The following PTPRN2 variants were observed in gnomAD, a reference collection of about 807,000 sequenced individuals.
The protein encoded by PTPRN2 is receptor-type tyrosine-protein phosphatase N2.
A neutral mutation model predicts 118.8 loss-of-function variants in PTPRN2; 74 were observed. The observed-to-expected ratio is 0.62, with a 90% confidence interval of 0.52 to 0.76. PTPRN2 has a LOEUF of 0.76. Among genes scored for constraint, PTPRN2 ranks in the 30% least tolerant of loss-of-function variants. PTPRN2 has a pLI of 0.00. For synonymous variants in PTPRN2, 641 were observed against 608.0 expected (o/e 1.05, Z -0.80); for missense variants, 1,481 against 1,394.4 (o/e 1.06, Z -0.99).
rs911021385 is a variant in PTPRN2, at chr7:157,868,894, G to C, written c.1788+29779C>G. 2 of 152,180 alleles carry C rather than the reference G, an allele frequency of 1.3e-5. No homozygotes were observed. Among genetic ancestry groups the C allele is most frequent in the Admixed American group, 1.3e-4 (2 of 15,274 alleles). The allele number at this position is 152,180 out of a possible 1,614,324, so 9.4% of individuals were successfully genotyped here. On this transcript the variant is annotated intron_variant, in intron 12 of 22. Coordinates refer to ENST00000389418, the MANE Select transcript of PTPRN2 (RefSeq NM_002847.5). This position sits in a 1 kb window ranked among gnomAD's most constrained non-coding sequence, Gnocchi z 5.2. ...CACACAACCCATTTAGCATTGCCTAGCACCAGTGGTGAGGCCAGGCCTCCC... is the reference window on the plus strand; with the variant it reads ...CACACAACCCATTTAGCATTGCCTACCACCAGTGGTGAGGCCAGGCCTCCC...
chr7:157,772,443 C>T (rs145700913), intron 12 of PTPRN2, among the ~76,000 whole-genome samples: 1 of 152,164 alleles, frequency 6.6e-6, no homozygotes, highest in South Asian at 2.1e-4. Flanking sequence ...AGCCCTGGCC[C>T]GCAGACCATG....
At chr7:158,184,947 C>T (rs992442041) in intron 5 of PTPRN2, among the ~76,000 whole-genome samples, 2 of 152,124 alleles carry the variant, frequency 1.3e-5, no homozygotes, top group South Asian at 2.1e-4. Flanking sequence ...TGTAGGTTTC[C>T]GTCATGGATG....
chr7:158,416,200 G>T (rs1366073882), intron 2 of PTPRN2, among the ~76,000 whole-genome samples: 1 of 152,210 alleles, frequency 6.6e-6, no homozygotes, highest in East Asian at 1.9e-4. Context: ...TCCACTTTGG[G>T]GCCCAGGAAT....
intron 2 of PTPRN2, among the ~76,000 whole-genome samples, chr7:158,414,539 T>C (rs1442691085): frequency 1.3e-5 from 2 of 152,240 alleles, no homozygotes; most frequent in Admixed American, 1.3e-4. Flanking sequence ...GGCTCAGCTG[T>C]AAGTCATACA....
At chr7:157,565,495 C>T (rs1286369601) in intron 21 of PTPRN2, among the ~76,000 whole-genome samples, 2 of 152,236 alleles carry the variant, frequency 1.3e-5, no homozygotes, top group African/African-American at 4.8e-5. Flanking sequence ...GCCACACAGG[C>T]ACCCTCTTCC....
chr7:157,821,839 T>C (rs892973351), intron 12 of PTPRN2, among the ~76,000 whole-genome samples: 1 of 152,110 alleles, frequency 6.6e-6, no homozygotes, highest in South Asian at 2.1e-4. Flanking sequence ...GTGGTGAAGA[T>C]AATTGTGAGA....
intron 3 of PTPRN2, among the ~76,000 whole-genome samples, chr7:158,258,218 C>T (rs925773468): frequency 4.6e-5 from 7 of 152,160 alleles, no homozygotes; most frequent in African/African-American, 1.4e-4. Context: ...ACATTTCCTC[C>T]GCTCTGTCTG....
chr7:158,137,739 T>G (rs919712527), intron 7 of PTPRN2, among the ~76,000 whole-genome samples: 1 of 152,188 alleles, frequency 6.6e-6, no homozygotes, highest in Admixed American at 6.5e-5. Context: ...CACGTACTTG[T>G]GGGGCTGCCA....
At chr7:158,320,129 TCACACACACAGCCTCCCTTG>T (rs1802868512) in intron 2 of PTPRN2, among the ~76,000 whole-genome samples, 2 of 46,518 alleles carry the variant, frequency 4.3e-5, no homozygotes, top group African/African-American at 9.1e-5. Flanking sequence ...ACAGCCTCCC[TCACACACACAGCCTCCCTTG>T]TACACACACA....
chr7:158,205,060 A>T, intron 4 of PTPRN2, 111 bp downstream of exon 4: 1 of 938,370 alleles, frequency 1.1e-6, no homozygotes, highest in South Asian at 1.6e-5. Flanking sequence ...CTGCACCAGA[A>T]AGATGGTGGG....
intron 2 of PTPRN2, among the ~76,000 whole-genome samples, chr7:158,382,446 G>A (rs895327246): frequency 3.3e-5 from 5 of 152,142 alleles, no homozygotes; most frequent in African/African-American, 4.8e-5. Context: ...TCAGAAAGTC[G>A]CCATGAAGGA....
At chr7:158,055,312 G>A (rs541483117) in intron 11 of PTPRN2, among the ~76,000 whole-genome samples, 3 of 152,150 alleles carry the variant, frequency 2.0e-5, no homozygotes, top group East Asian at 1.9e-4. Flanking sequence ...TTGGTCTAGC[G>A]GTAACGCCAG....
intron 2 of PTPRN2, among the ~76,000 whole-genome samples, chr7:158,418,833 TAA>T (rs1444503565): frequency 6.6e-6 from 1 of 152,308 alleles, no homozygotes; most frequent in Middle Eastern, 3.4e-3. Context: ...CCCACTGTGT[TAA>T]GTCATGTTGT....
chr7:157,546,312 G>A (rs1364546291), intron 22 of PTPRN2, among the ~76,000 whole-genome samples: 1 of 152,178 alleles, frequency 6.6e-6, no homozygotes, highest in African/African-American at 2.4e-5. Context: ...TACATGTGCA[G>A]GACGGGCAGC....
intron 12 of PTPRN2, chr7:157,740,260 G>A (rs749947357): frequency 6.6e-6 from 1 of 152,206 alleles, no homozygotes; most frequent in South Asian, 2.1e-4. Flanking sequence ...GGTGGATCAG[G>A]TTCCTGTAGG....
Position 158,272,949 on chromosome 7 carries a change from G to A in PTPRN2, c.277+43870C>T, listed in dbSNP as rs775516792. ...ATGCAGACTCTGCTGACAGTCCCAC[G>A]GTTTGGGACTCTCGTTTCACTCATT... On this transcript the variant is annotated intron_variant, in intron 3 of 22. Coordinates refer to ENST00000389418, the MANE Select transcript of PTPRN2 (RefSeq NM_002847.5). Among the ~76,000 whole-genome samples, 9 of 152,294 alleles carry A rather than the reference G, an allele frequency of 5.9e-5. No homozygotes were observed. In the East Asian group the frequency reaches 1.2e-3, roughly 20 times the overall value.
At chr7:158,199,386 G>A (rs1826456961) in intron 4 of PTPRN2, among the ~76,000 whole-genome samples, 1 of 152,178 alleles carries the variant, frequency 6.6e-6, no homozygotes, top group African/African-American at 2.4e-5. Flanking sequence ...CTCTCATGGG[G>A]CTTACTCTGC....
At chr7:157,910,780 GTGT>G (rs1798062457) in intron 11 of PTPRN2, among the ~76,000 whole-genome samples, 1 of 152,254 alleles carries the variant, frequency 6.6e-6, no homozygotes, top group Non-Finnish European at 1.5e-5. Flanking sequence ...TTCCTGTAAC[GTGT>G]TGTGATCCAC....
chr7:158,252,289 C>T (rs1325283197), intron 3 of PTPRN2, among the ~76,000 whole-genome samples: 1 of 152,182 alleles, frequency 6.6e-6, no homozygotes, highest in African/African-American at 2.4e-5. Context: ...CACACCACTC[C>T]CATAATCTCT....
Sources: gnomAD v4.1 joint callset for allele counts (sites outside exome capture counted in the v4.1 genomes callset) on GRCh38, gnomAD v4.1.1 for gene constraint, Gnocchi (gnomAD v3.1) non-coding constraint, MANE v1.5 for transcripts, NCBI Gene and HGNC (gene_info 2026-07-23, HGNC 2026-07-21) for gene names.